The following PRSS55 variants were observed in gnomAD, a reference collection of about 807,000 sequenced individuals.
PRSS55 encodes serine protease 55.
PRSS55 carries 41 observed loss-of-function variants against 23.6 expected under a neutral mutation model. That is an observed-to-expected ratio of 1.74 (90% CI 1.35 to 2.26). The LOEUF (loss-of-function observed/expected upper bound fraction) is 2.26. Among genes scored for constraint, PRSS55 ranks in the 30% most tolerant of loss-of-function variants. PRSS55 has a pLI of 0.00. For missense variants in PRSS55, 669 were observed against 439.1 expected, an observed-to-expected ratio of 1.52 and a Z score of -4.68; for synonymous variants, 262 against 175.5, an observed-to-expected ratio of 1.49 and a Z score of -3.90.
chr8:10,538,353 G>T (rs1812527703), intron 4 of PRSS55, 123 bp from the exon 5 acceptor site: 2 of 727,640 alleles, frequency 2.7e-6, no homozygotes, highest in South Asian at 1.9e-5. Context: ...GTGGAGCAGG[G>T]ATGGGGTGGG....
At chr8:10,537,028 GT>G (rs1264887747) in intron 4 of PRSS55, among the ~76,000 whole-genome samples, 2 of 152,142 alleles carry the variant, frequency 1.3e-5, no homozygotes, top group African/African-American at 2.4e-5. Context: ...TAAAATAAAA[GT>G]TGAAAAAGAA....
chr8:10,550,820 G>A lies in PRSS55; in HGVS notation c.742-3123G>A, dbSNP rs146555398. On this transcript the variant is annotated intron_variant, in intron 4 of 4. Transcript: ENST00000522210. Reference sequence around the variant, plus strand: ...ACATGGCAGGTGTGTGTGTGCATGCGTGTGTGTGCACGTGTGTGTGCGTGA... The same window carrying A: ...ACATGGCAGGTGTGTGTGTGCATGCATGTGTGTGCACGTGTGTGTGCGTGA... Among the ~76,000 whole-genome samples, 247 of 152,316 alleles carry A rather than the reference G, an allele frequency of 1.6e-3. 7 individuals are homozygous for A. The East Asian group carries it at 0.045, about 28-fold the overall frequency.
intron 3 of PRSS55, 88 bp from the exon 4 acceptor site, chr8:10,532,818 C>A: frequency 6.5e-7 from 1 of 1,541,316 alleles, no homozygotes; most frequent in Non-Finnish European, 8.9e-7. Flanking sequence ...GGCTGGGGGA[C>A]ACAGGGCCGA....
chr8:10,540,585 G>A (rs929232235), downstream of PRSS55: 1 of 152,112 alleles, frequency 6.6e-6, no homozygotes. Flanking sequence ...TGTGGTGGCG[G>A]GCACCTGTAA....
At chr8:10,538,881 A>ATTTCCATCCTTGAGCCCT, downstream of PRSS55, 1 of 1,355,120 alleles carries the variant, frequency 7.4e-7, no homozygotes, top group Non-Finnish European at 1.0e-6. Flanking sequence ...TCAGGGCTCA[A>ATTTCCATCCTTGAGCCCT]GGATGGAAAT....
At chr8:10,553,792 C>T in intron 4 of PRSS55, 1 of 540,668 alleles carries the variant, frequency 1.8e-6, no homozygotes, top group East Asian at 2.9e-5. Flanking sequence ...TGAATGTTCT[C>T]ATCATGAAAA....
chr8:10,548,718 C>T (rs1426565960), intron 4 of PRSS55, among the ~76,000 whole-genome samples: 1 of 152,208 alleles, frequency 6.6e-6, no homozygotes, highest in Non-Finnish European at 1.5e-5. Context: ...ATGAGGCACC[C>T]ACGGCTCCAA....
intron 4 of PRSS55, among the ~76,000 whole-genome samples, chr8:10,537,201 C>T (rs1812486612): frequency 6.6e-6 from 1 of 152,114 alleles, no homozygotes; most frequent in African/African-American, 2.4e-5. Flanking sequence ...GCACTATTCA[C>T]AATAGCCAAG....
intron 2 of PRSS55, among the ~76,000 whole-genome samples, chr8:10,530,375 T>G (rs1157021198): frequency 3.9e-5 from 6 of 152,204 alleles, no homozygotes; most frequent in Non-Finnish European, 7.3e-5. Flanking sequence ...TTCAGGAGGC[T>G]GAGACAGGAG....
intron 4 of PRSS55, among the ~76,000 whole-genome samples, chr8:10,551,390 G>A (rs1812947373): frequency 6.6e-6 from 1 of 152,146 alleles, no homozygotes; most frequent in Non-Finnish European, 1.5e-5. Flanking sequence ...TTTTCTTTGT[G>A]CTGGGAAACA....
intron 2 of PRSS55, 35 bp downstream of exon 2, chr8:10,529,734 G>C: frequency 6.3e-7 from 1 of 1,591,080 alleles, no homozygotes; most frequent in Non-Finnish European, 8.6e-7. Context: ...CCACCTCTCA[G>C]GGCGCCCACC....
downstream of PRSS55, among the ~76,000 whole-genome samples, chr8:10,539,522 G>C (rs1028377003): frequency 2.0e-5 from 3 of 152,160 alleles, no homozygotes; most frequent in Non-Finnish European, 4.4e-5. Context: ...GATATGGTTT[G>C]GCTATGTCCC....
chr8:10,546,955 T>A (rs929914940), intron 4 of PRSS55, among the ~76,000 whole-genome samples: 1 of 152,144 alleles, frequency 6.6e-6, no homozygotes, highest in African/African-American at 2.4e-5. Context: ...GTGCTGGGAT[T>A]ACAGGTGTGA....
Position 10,538,642 on chromosome 8 carries a change from G to T in PRSS55, c.908G>T (p.Gly303Val). ...LWIEKVTQLEGRPFNAEKRRT... is the reference protein window; with the variant it reads ...LWIEKVTQLEVRPFNAEKRRT... ...ATCGAGAAAGTGACCCAGCTAGAGG[G>T]CAGGCCCTTCAATGCAGAGAAAAGG... Residue 303 changes from glycine to valine, a missense_variant, in exon 5 of 5, where the codon GGC (glycine) becomes GTC (valine). Gly to Val is a moderately radical substitution (Grantham distance 109). Transcript: ENST00000328655. 6.2e-7 allele frequency: 1 copy of T among 1,614,154 alleles called. No individual in the cohort carries two copies. The highest frequency in any genetic ancestry group is 8.5e-7 in the Non-Finnish European group (1 of 1,180,030).
chr8:10,538,173 C>A (rs1193904811), intron 4 of PRSS55, among the ~76,000 whole-genome samples: 1 of 152,162 alleles, frequency 6.6e-6, no homozygotes, highest in African/African-American at 2.4e-5. Context: ...CAAGTCTCCA[C>A]TCATCCCTTG....
At chr8:10,547,925 G>A (rs1179920430) in intron 4 of PRSS55, among the ~76,000 whole-genome samples, 4 of 151,868 alleles carry the variant, frequency 2.6e-5, no homozygotes, top group African/African-American at 9.7e-5. Context: ...CAGCTTTACT[G>A]AACATGACTG....
intron 2 of PRSS55, 44 bp downstream of exon 2, chr8:10,529,743 C>G: frequency 6.4e-7 from 1 of 1,562,110 alleles, no homozygotes; most frequent in Non-Finnish European, 8.7e-7. Flanking sequence ...AGGGCGCCCA[C>G]CCCTGGGGCA....
intron 1 of PRSS55, among the ~76,000 whole-genome samples, chr8:10,527,480 G>A (rs375533458): frequency 2.0e-5 from 3 of 152,370 alleles, no homozygotes; most frequent in African/African-American, 7.2e-5. Flanking sequence ...AGGATGCAAT[G>A]AAGAAATATA....
At position 10,538,647 on chromosome 8, in the gene PRSS55, C is replaced by G; in HGVS notation, c.913C>G (p.Pro305Ala). ...IEKVTQLEGR[P>A]FNAEKRRTSV... ...GAAAGTGACCCAGCTAGAGGGCAGG[C>G]CCTTCAATGCAGAGAAAAGGAGGAC... is the stretch of plus-strand genomic sequence containing the variant. Residue 305 changes from proline to alanine, a missense_variant, in exon 5 of 5, where the codon CCC (proline) becomes GCC (alanine). Transcript: ENST00000328655. 6.2e-7 allele frequency: 1 copy of G among 1,614,114 alleles called. No individual in the cohort carries two copies. Among genetic ancestry groups the G allele is most frequent in the East Asian group, 2.2e-5 (1 of 44,868 alleles).
Sources: gnomAD v4.1 joint callset for allele counts (sites outside exome capture counted in the v4.1 genomes callset) on GRCh38, gnomAD v4.1.1 for gene constraint, MANE v1.5 for transcripts, NCBI Gene and HGNC (gene_info 2026-07-23, HGNC 2026-07-21) for gene names.